Variants in FLYWCH2 observed in about 807,000 individuals in gnomAD.
FLYWCH2 encodes FLYWCH family member 2.
A neutral mutation model predicts 6.0 loss-of-function variants in FLYWCH2; 2 were observed. The ratio of observed to expected loss-of-function variants is 0.33; its 90% CI spans 0.14 to 1.04. The LOEUF is 1.04. Among genes scored for constraint, FLYWCH2 ranks in the 50% least tolerant of loss-of-function variants. The probability of loss-of-function intolerance (pLI) is 0.45; values close to 1 mark genes in which losing one functional copy is unlikely to be tolerated. For missense variants in FLYWCH2, 192 were observed against 183.4 expected, an observed-to-expected ratio of 1.05 and a Z score of -0.27; for synonymous variants, 87 against 79.3, an observed-to-expected ratio of 1.10 and a Z score of -0.52.
At chr16:2,890,238 T>TTTG (rs2069741192) in intron 1 of FLYWCH2, among the ~76,000 whole-genome samples, 2 of 128,182 alleles carry the variant, frequency 1.6e-5, no homozygotes, top group African/African-American at 5.8e-5. Flanking sequence ...GTTTTTTTTT[T>TTTG]TTTGTTTTTG....
intron 1 of FLYWCH2, among the ~76,000 whole-genome samples, chr16:2,892,912 A>AT (rs2069774910): frequency 6.9e-6 from 1 of 144,222 alleles, no homozygotes; most frequent in African/African-American, 2.7e-5. Context: ...CATATAATAT[A>AT]TATTATATAT....
rs531303934 is a variant in FLYWCH2, at chr16:2,886,120, A to C, written c.-200+2754A>C. ...TTGAGCATCTTCTCATATATTAGCC[A>C]TTTGTATATCTTCTTTAGAGAAAAG... On this transcript the variant is annotated intron_variant, in intron 1 of 3. Coordinates refer to ENST00000396958, the MANE Select transcript of FLYWCH2 (RefSeq NM_138439.3). Among the ~76,000 whole-genome samples the C allele has an allele frequency of 9.9e-5, 15 of 152,078 alleles. No individual in the cohort carries two copies. The East Asian group carries it at 2.9e-3, about 29-fold the overall frequency.
In FLYWCH2 at chr16:2,885,296, G is replaced by A. The variant is rs540202954; in HGVS notation, c.-200+1930G>A. Among the ~76,000 whole-genome samples, 7 of 152,136 alleles carry A rather than the reference G, an allele frequency of 4.6e-5. No individual in the cohort carries two copies. The East Asian group carries it at 9.7e-4, about 21-fold the overall frequency. ...CACGCCACTGCACTCCAGCCTGGGC[G>A]ACAGAGCGAGACTCCGTCTCAAAAA... On this transcript the variant is annotated intron_variant, in intron 1 of 3. Coordinates refer to ENST00000396958, the MANE Select transcript of FLYWCH2 (RefSeq NM_138439.3).
Position 2,899,236 on chromosome 16 carries a change from A to T in FLYWCH2, c.*87A>T. The T allele has an allele frequency of 1.4e-6, 1 of 739,304 alleles. No individual in the cohort carries two copies. Among genetic ancestry groups the T allele is most frequent in the Non-Finnish European group, 2.1e-6 (1 of 475,364 alleles). 45.8% of individuals were successfully genotyped at this position (739,304 alleles called of 1,614,324 possible). A position where few individuals can be genotyped will look rare whatever the true frequency, so the allele number is the denominator to read the frequency against. ...AGGGCTTCTGGGGCCAAATGGGTGA[A>T]TCTTTGCTTTTAACATTGTGTGATT... On this transcript the variant is annotated 3_prime_UTR_variant, in exon 4 of 4. Transcript: ENST00000396958.
intron 1 of FLYWCH2, among the ~76,000 whole-genome samples, chr16:2,886,265 A>G (rs1180167841): frequency 4.0e-5 from 6 of 151,888 alleles, no homozygotes; most frequent in African/African-American, 1.5e-4. Context: ...ACCTCGGCTC[A>G]CTGAAATCTC....
intron 1 of FLYWCH2, among the ~76,000 whole-genome samples, chr16:2,892,505 A>C (rs114840224): frequency 0.03 from 4,519 of 148,440 alleles, 216 homozygotes; most frequent in African/African-American, 0.11. Flanking sequence ...CAAAAAAAAA[A>C]CACAATTTAT....
intron 1 of FLYWCH2, among the ~76,000 whole-genome samples, chr16:2,887,756 G>T (rs2150843769): frequency 6.6e-6 from 1 of 151,564 alleles, no homozygotes; most frequent in East Asian, 1.9e-4. Context: ...TTTTAGAGAT[G>T]AGATCTCACT....
chr16:2,890,232 T>C (rs113438868), intron 1 of FLYWCH2, among the ~76,000 whole-genome samples: 1 of 49,806 alleles, frequency 2.0e-5, no homozygotes, highest in Non-Finnish European at 4.9e-5. Flanking sequence ...GTTTTTGTTT[T>C]TTTTTTTTTG....
At chr16:2,887,394 G>A (rs2069711250) in intron 1 of FLYWCH2, among the ~76,000 whole-genome samples, 1 of 147,136 alleles carries the variant, frequency 6.8e-6, no homozygotes, top group African/African-American at 2.5e-5. Flanking sequence ...CTCCCGAGCT[G>A]AAGAGATCTG....
At chr16:2,885,770 A>G (rs1397524963) in intron 1 of FLYWCH2, among the ~76,000 whole-genome samples, 2 of 152,204 alleles carry the variant, frequency 1.3e-5, no homozygotes, top group Non-Finnish European at 2.9e-5. Flanking sequence ...TTTGGCTTTC[A>G]TGAATAATGC....
chr16:2,896,329 C>T (rs945347868), intron 2 of FLYWCH2, 23 bp from the exon 3 acceptor site: 63 of 1,300,570 alleles, frequency 4.8e-5, no homozygotes, highest in East Asian at 5.1e-5. Flanking sequence ...CCACCACTGA[C>T]GGGATTTTGC....
intron 1 of FLYWCH2, among the ~76,000 whole-genome samples, chr16:2,885,789 C>A (rs1271485600): frequency 4.6e-5 from 7 of 152,168 alleles, no homozygotes; most frequent in East Asian, 1.9e-4. Context: ...GCAACTGTAA[C>A]ATTCATGTAC....
chr16:2,889,638 T>A (rs956582976), intron 1 of FLYWCH2, among the ~76,000 whole-genome samples: 3 of 152,162 alleles, frequency 2.0e-5, no homozygotes, highest in Non-Finnish European at 4.4e-5. Context: ...GTCATATTAA[T>A]GCAGCTAGCT....
Position 2,899,142 on chromosome 16 carries a change from C to G in FLYWCH2, c.416C>G (p.Ser139Cys). The change falls in exon 4 of 4, where the codon TCC becomes TGC. Residue 139 changes from serine (S) to cysteine (C), a missense_variant. Physicochemically the swap from Ser to Cys is moderately radical, Grantham distance 112. Coordinates refer to ENST00000396958, the MANE Select transcript of FLYWCH2 (RefSeq NM_138439.3). ...FAPCSVAPGK[S>C]L Reference sequence around the variant, plus strand: ...CCCTGCTCTGTGGCGCCCGGCAAGTCCCTGTAACCTTGACAACAGGCGCAT... The same window carrying G: ...CCCTGCTCTGTGGCGCCCGGCAAGTGCCTGTAACCTTGACAACAGGCGCAT... 6.2e-7 allele frequency: 1 copy of G among 1,612,634 alleles called. No individual in the cohort carries two copies. Among genetic ancestry groups the G allele is most frequent in the Non-Finnish European group, 8.5e-7 (1 of 1,179,334 alleles).
At chr16:2,885,339 A>C (rs529083732) in intron 1 of FLYWCH2, among the ~76,000 whole-genome samples, 25 of 43,356 alleles carry the variant, frequency 5.8e-4, no homozygotes, top group East Asian at 2.2e-3. Context: ...CAAAACAAAA[A>C]AAAAAATATA....
rs150522851 is a variant in FLYWCH2 at position 2,888,044 on chromosome 16, T to C, written c.-200+4678T>C. On this transcript the variant is annotated intron_variant, in intron 1 of 3. Coordinates refer to ENST00000396958, the MANE Select transcript of FLYWCH2 (RefSeq NM_138439.3). ...TTTTTTAAGAGGTGGAGTCTCGCTC[T>C]GTTGCCCAGGCTGGAGTGTAGTGGC... Among the ~76,000 whole-genome samples the C allele has an allele frequency of 2.0e-3, 298 of 152,178 alleles. 2 individuals carry two copies. Among genetic ancestry groups the C allele is most frequent in the African/African-American group, 6.7e-3 (278 of 41,492 alleles).
Position 2,896,380 on chromosome 16 carries a change from G to C in FLYWCH2, c.-70G>C, listed in dbSNP as rs1596339419. ...GGAACCGCTGGACTCCAGGTTCCTT[G>C]CCTGGGAGTAGGAGAAATCCACCTG... On this transcript the variant is annotated 5_prime_UTR_variant, in exon 3 of 4. Coordinates refer to ENST00000396958, the MANE Select transcript of FLYWCH2 (RefSeq NM_138439.3). The C allele has an allele frequency of 2.0e-6, 3 of 1,509,044 alleles. No individual in the cohort carries two copies. The African/African-American group carries it at 4.2e-5, about 21-fold the overall frequency. The allele number at this position is 1,509,044 out of a possible 1,614,324, so 93.5% of individuals were successfully genotyped here.
intron 1 of FLYWCH2, among the ~76,000 whole-genome samples, chr16:2,893,832 GT>G (rs1219936982): frequency 6.6e-6 from 1 of 151,856 alleles, no homozygotes; most frequent in Non-Finnish European, 1.5e-5. Context: ...TGGAGACGGG[GT>G]TTCAACATGT....
intron 1 of FLYWCH2, among the ~76,000 whole-genome samples, chr16:2,891,736 T>C (rs1243544645): frequency 6.6e-6 from 1 of 151,908 alleles, no homozygotes; most frequent in East Asian, 1.9e-4. Context: ...TTGTTTATTT[T>C]TTATAGTGAT....
Sources: gnomAD v4.1 joint callset for allele counts (sites outside exome capture counted in the v4.1 genomes callset) on GRCh38, gnomAD v4.1.1 for gene constraint, MANE v1.5 for transcripts, NCBI Gene and HGNC (gene_info 2026-07-23, HGNC 2026-07-21) for gene names.